ADAMTSL1: variants seen among roughly 807,000 people sequenced by gnomAD.
The protein encoded by ADAMTSL1 is ADAMTS like 1, also known as ADAMTS-like protein 1.
Under a neutral mutation model 201.8 loss-of-function variants are expected in ADAMTSL1, and 126 were observed. The observed-to-expected ratio is 0.62, with a 90% CI of 0.54 to 0.72. The LOEUF (loss-of-function observed/expected upper bound fraction) is 0.72, where lower values mean the gene tolerates loss of function less well. Ranked by LOEUF, ADAMTSL1 falls within the 30% of genes least tolerant of loss-of-function variation. The probability of loss-of-function intolerance (pLI) is 0.00; values close to 1 mark genes in which losing one functional copy is unlikely to be tolerated. For synonymous variants in ADAMTSL1, 1,121 were observed against 903.4 expected (o/e 1.24, Z -4.32); for missense variants, 2,679 against 2,277.8 (o/e 1.18, Z -3.59).
chr9:18,590,222 C>T (rs76569951), intron 4 of ADAMTSL1, among the ~76,000 whole-genome samples: 27 of 152,114 alleles, frequency 1.8e-4, no homozygotes, highest in African/African-American at 6.5e-4. Context: ...CATCATTGAT[C>T]TGTTCAGTTT....
intron 1 of ADAMTSL1, among the ~76,000 whole-genome samples, chr9:17,997,032 T>A (rs1819409834): frequency 6.6e-6 from 1 of 152,162 alleles, no homozygotes; most frequent in African/African-American, 2.4e-5. Flanking sequence ...GTGGGCATTT[T>A]GCCCAAAAAT....
chr9:17,908,989 C>A lies in ADAMTSL1; in HGVS notation c.87+2067C>A, dbSNP rs1296720868. Reference sequence around the variant, plus strand: ...ACATCCTCTCCAGCACCTGTTGTTTCCTGACTTTTTAATGATTGCCATTCT... The same window carrying A: ...ACATCCTCTCCAGCACCTGTTGTTTACTGACTTTTTAATGATTGCCATTCT... On this transcript the variant is annotated intron_variant, in intron 1 of 29. Coordinates refer to the ADAMTSL1 transcript ENST00000680146. 4.0e-5 allele frequency among the ~76,000 whole-genome samples: 6 copies of A among 151,042 alleles called. No homozygotes were observed. The East Asian group carries it at 1.2e-3, about 29-fold the overall frequency.
chr9:18,675,154 A>T (rs966433823), intron 9 of ADAMTSL1, among the ~76,000 whole-genome samples: 1 of 152,184 alleles, frequency 6.6e-6, no homozygotes. Context: ...CATCACTGCA[A>T]TAGCAGTTAA....
rs147130523 is a variant in ADAMTSL1 at position 17,947,237 on chromosome 9, T to C, written c.87+40315T>C. On this transcript the variant is annotated intron_variant, in intron 1 of 29. Coordinates refer to the ADAMTSL1 transcript ENST00000680146. ...ACACAGTCTGTTAAACTGTGGTATG[T>C]ATGTGTTTGTATATATATACAGTTA... Among the ~76,000 whole-genome samples the C allele has an allele frequency of 1.9e-3, 291 of 151,548 alleles. 1 individual carries two copies. The highest frequency in any genetic ancestry group is 3.0e-3 in the Non-Finnish European group (202 of 67,864).
At chr9:17,994,253 A>G (rs1819282947) in intron 1 of ADAMTSL1, among the ~76,000 whole-genome samples, 1 of 152,166 alleles carries the variant, frequency 6.6e-6, no homozygotes. Context: ...GACTCTGTCC[A>G]TGCACAAGGG....
intron 7 of ADAMTSL1, among the ~76,000 whole-genome samples, chr9:18,645,120 G>C (rs184707884): frequency 0.013 from 1,937 of 152,198 alleles, 47 homozygotes; most frequent in African/African-American, 0.044. Context: ...GTTTTGATTT[G>C]CATTTCTCTG....
chr9:18,871,354 T>G (rs1827861265), intron 23 of ADAMTSL1, among the ~76,000 whole-genome samples: 1 of 152,216 alleles, frequency 6.6e-6, no homozygotes, highest in Non-Finnish European at 1.5e-5. Flanking sequence ...TTACATAGTC[T>G]CAGTTTTCCT....
chr9:18,341,098 A>G lies in ADAMTSL1; in HGVS notation c.208-163731A>G, dbSNP rs562984046. ...ATCGCAGCCTGGCTGATCTGTCAGG[A>G]ACACAAAATTGATCATTCTAGTCCC... On this transcript the variant is annotated intron_variant, in intron 2 of 29. Transcript: ENST00000680146. Among the ~76,000 whole-genome samples, 4 of 152,202 alleles carry G rather than the reference A, an allele frequency of 2.6e-5. No individual in the cohort carries two copies. The East Asian group carries it at 7.7e-4, about 29-fold the overall frequency.
At chr9:18,059,166 C>A (rs1822336517) in intron 1 of ADAMTSL1, among the ~76,000 whole-genome samples, 1 of 152,180 alleles carries the variant, frequency 6.6e-6, no homozygotes, top group African/African-American at 2.4e-5. Context: ...CAGACACGAA[C>A]TCCTGGTATG....
intron 1 of ADAMTSL1, among the ~76,000 whole-genome samples, chr9:18,105,244 G>C (rs1434491598): frequency 6.6e-6 from 1 of 152,124 alleles, no homozygotes; most frequent in African/African-American, 2.4e-5. Flanking sequence ...GTGTCTCTAT[G>C]ATCCACAAGT....
chr9:18,061,172 G>A (rs1822438405), intron 1 of ADAMTSL1, among the ~76,000 whole-genome samples: 1 of 152,146 alleles, frequency 6.6e-6, no homozygotes, highest in Non-Finnish European at 1.5e-5. Context: ...AGAATGTCTT[G>A]ATCAAATCTA....
At chr9:18,599,776 A>G (rs1824505272) in intron 4 of ADAMTSL1, among the ~76,000 whole-genome samples, 1 of 150,670 alleles carries the variant, frequency 6.6e-6, no homozygotes, top group Non-Finnish European at 1.5e-5. Context: ...TTTGAATATA[A>G]TTAAATTATA....
intron 1 of ADAMTSL1, among the ~76,000 whole-genome samples, chr9:18,123,425 A>C (rs1825590153): frequency 6.6e-6 from 1 of 152,214 alleles, no homozygotes; most frequent in Non-Finnish European, 1.5e-5. Flanking sequence ...ACACTTATTT[A>C]AAATCCTCAC....
intron 4 of ADAMTSL1, among the ~76,000 whole-genome samples, chr9:18,607,900 C>A (rs995380631): frequency 3.9e-5 from 6 of 152,172 alleles, no homozygotes; most frequent in African/African-American, 1.4e-4. Context: ...CTACAAAGGA[C>A]ATGAACTCAT....
chr9:18,575,051 T>A (rs985323218), intron 4 of ADAMTSL1, among the ~76,000 whole-genome samples: 1 of 152,204 alleles, frequency 6.6e-6, no homozygotes, highest in Non-Finnish European at 1.5e-5. Flanking sequence ...AGACACAAAA[T>A]TTTGAGAGTA....
At chr9:18,736,278 G>A (rs528336604) in intron 15 of ADAMTSL1, among the ~76,000 whole-genome samples, 14 of 152,232 alleles carry the variant, frequency 9.2e-5, no homozygotes, top group African/African-American at 9.6e-5. Flanking sequence ...CCATTTGTTC[G>A]CAAGTGAGGG....
intron 2 of ADAMTSL1, among the ~76,000 whole-genome samples, chr9:18,468,957 G>C (rs1353900152): frequency 7.2e-5 from 11 of 152,174 alleles, no homozygotes; most frequent in African/African-American, 1.4e-4. Flanking sequence ...GGAAAGAGAG[G>C]AAGACCATGG....
intron 2 of ADAMTSL1, among the ~76,000 whole-genome samples, chr9:18,171,000 GT>G (rs1371841339): frequency 6.6e-6 from 1 of 152,048 alleles, no homozygotes; most frequent in East Asian, 1.9e-4. Context: ...GATATAAAAT[GT>G]TCATGAATGG....
chr9:18,576,266 G>A (rs1420371310), intron 4 of ADAMTSL1, among the ~76,000 whole-genome samples: 1 of 152,174 alleles, frequency 6.6e-6, no homozygotes, highest in Non-Finnish European at 1.5e-5. Context: ...AACAAAGATT[G>A]CATTTAAGCA....
Sources: gnomAD v4.1 joint callset for allele counts (sites outside exome capture counted in the v4.1 genomes callset) on GRCh38, gnomAD v4.1.1 for gene constraint, MANE v1.5 for transcripts, NCBI Gene and HGNC (gene_info 2026-07-23, HGNC 2026-07-21) for gene names.